Variants in SLC7A2 observed in about 807,000 individuals in gnomAD.
SLC7A2 encodes solute carrier family 7 member 2, also known as cationic amino acid transporter 2.
Under a neutral mutation model 58.9 loss-of-function variants are expected in SLC7A2, and 48 were observed. The observed-to-expected ratio is 0.82, with a 90% CI of 0.65 to 1.04. The LOEUF is 1.04. SLC7A2 is among the 50% of genes least tolerant of loss of function. SLC7A2 has a pLI of 0.00. For synonymous variants in SLC7A2, 363 were observed against 314.5 expected (o/e 1.15, Z -1.63); for missense variants, 1,029 against 818.8 (o/e 1.26, Z -3.13).
At chr8:17,522,048 G>GT (rs1214736864) in intron 2 of SLC7A2, among the ~76,000 whole-genome samples, 2 of 152,152 alleles carry the variant, frequency 1.3e-5, no homozygotes, top group Non-Finnish European at 2.9e-5. Flanking sequence ...GACCCAGGCT[G>GT]TATGCATGCA....
intron 2 of SLC7A2, among the ~76,000 whole-genome samples, chr8:17,522,542 T>TA (rs1401099817): frequency 6.6e-6 from 1 of 152,152 alleles, no homozygotes; most frequent in African/African-American, 2.4e-5. Context: ...TACTATATTT[T>TA]ATCACATTTT....
chr8:17,503,273 A>ATCTCCTGACCT (rs1419090336), intron 2 of SLC7A2, among the ~76,000 whole-genome samples: 1 of 151,878 alleles, frequency 6.6e-6, no homozygotes, highest in African/African-American at 2.4e-5. Flanking sequence ...GGTGGTCTCG[A>ATCTCCTGACCT]TCTCCTGACC....
At chr8:17,516,669 G>A (rs1476759017) in intron 2 of SLC7A2, among the ~76,000 whole-genome samples, 6 of 152,172 alleles carry the variant, frequency 3.9e-5, no homozygotes, top group Admixed American at 6.5e-5. Flanking sequence ...TATTGTACCT[G>A]AACACCTGCA....
At chr8:17,564,254 A>C (rs923701094) in intron 12 of SLC7A2, among the ~76,000 whole-genome samples, 3 of 152,204 alleles carry the variant, frequency 2.0e-5, no homozygotes. Flanking sequence ...TTTAGGGTAT[A>C]ATTTGAGACT....
At chr8:17,536,333 G>A (rs988609176) in intron 2 of SLC7A2, among the ~76,000 whole-genome samples, 2 of 152,118 alleles carry the variant, frequency 1.3e-5, no homozygotes, top group African/African-American at 2.4e-5. Context: ...GGGAGACCAA[G>A]GAAGGAAGAT....
rs1186135968 is a variant in SLC7A2, at chr8:17,547,871, TTC to T, written c.533-805_533-804del. Reference sequence around the variant, plus strand: ...GCACGGTTGATCTTTTTATATTTTTTTCTGTGTCTTCAAAGTACTTGAATAGA... The same window carrying T: ...GCACGGTTGATCTTTTTATATTTTTTTGTGTCTTCAAAGTACTTGAATAGA... On this transcript the variant is annotated intron_variant, in intron 4 of 12. Transcript: ENST00000494857. Among the ~76,000 whole-genome samples the T allele has an allele frequency of 2.0e-5, 3 of 152,000 alleles. No homozygotes were observed. The East Asian group carries it at 5.8e-4, about 29-fold the overall frequency.
rs1372173301 is a variant in SLC7A2 at position 17,569,976 on chromosome 8, A to T, written c.*4830A>T. On this transcript the variant is annotated 3_prime_UTR_variant, in exon 13 of 13. Transcript: ENST00000494857. ...GGTAGGATATGAAGTGAAAGACTTC[A>T]AATGCAAGTAAGGTAGTTTGGGCTC... 1 of 152,228 alleles carries T rather than the reference A, an allele frequency of 6.6e-6. No homozygotes were observed. Among genetic ancestry groups the T allele is most frequent in the African/African-American group, 2.4e-5 (1 of 41,444 alleles). The allele number at this position is 152,228 out of a possible 1,614,324, so 9.4% of individuals were successfully genotyped here. A position where few individuals can be genotyped will look rare whatever the true frequency, so the allele number is the denominator to read the frequency against.
chr8:17,506,143 T>C (rs1180829399), intron 2 of SLC7A2, among the ~76,000 whole-genome samples: 1 of 152,224 alleles, frequency 6.6e-6, no homozygotes, highest in South Asian at 2.1e-4. Context: ...CTTGTGTCTG[T>C]ACAATTCATC....
intron 4 of SLC7A2, 59 bp downstream of exon 4, chr8:17,544,665 T>C: frequency 1.3e-6 from 2 of 1,502,728 alleles, no homozygotes; most frequent in Admixed American, 1.8e-5. Flanking sequence ...CTCAGGAAAA[T>C]AGGTTACTTC....
intron 2 of SLC7A2, among the ~76,000 whole-genome samples, chr8:17,504,770 C>G (rs1272886144): frequency 6.6e-6 from 1 of 152,160 alleles, no homozygotes; most frequent in Non-Finnish European, 1.5e-5. Flanking sequence ...TACTGCAACT[C>G]TTAAAAGATT....
At chr8:17,509,508 G>C (rs530813998) in intron 2 of SLC7A2, among the ~76,000 whole-genome samples, 160 of 152,120 alleles carry the variant, frequency 1.1e-3, no homozygotes, top group Middle Eastern at 6.8e-3. Flanking sequence ...GTTTCATCGT[G>C]ATGGCTAGGC....
Position 17,544,476 on chromosome 8 carries a change from G to T in SLC7A2, c.402G>T (p.Trp134Cys). ...VIGTSSVARA[W>C]SGTFDELLSK... Reference sequence around the variant, plus strand: ...GTACATCAAGTGTTGCAAGAGCCTGGAGTGGCACCTTTGATGAACTTCTTA... The same window carrying T: ...GTACATCAAGTGTTGCAAGAGCCTGTAGTGGCACCTTTGATGAACTTCTTA... Residue 134 changes from tryptophan to cysteine, a missense_variant, in exon 4 of 13, where the codon TGG (tryptophan) becomes TGT (cysteine). Transcript: ENST00000494857. The T allele has an allele frequency of 2.5e-6, 4 of 1,614,102 alleles. No homozygotes were observed. The highest frequency in any genetic ancestry group is 3.4e-6 in the Non-Finnish European group (4 of 1,179,982).
At chr8:17,560,719 G>C (rs567241871) in intron 10 of SLC7A2, among the ~76,000 whole-genome samples, 186 bp downstream of exon 10, 1 of 152,218 alleles carries the variant, frequency 6.6e-6, no homozygotes, top group Admixed American at 6.5e-5. Context: ...TAAATTTATT[G>C]TATCTTGATA....
At chr8:17,534,842 A>C (rs893734365) in intron 2 of SLC7A2, among the ~76,000 whole-genome samples, 2 of 152,094 alleles carry the variant, frequency 1.3e-5, no homozygotes, top group African/African-American at 2.4e-5. Context: ...TTTGGAGTGA[A>C]ATAGGCGCTC....
chr8:17,530,433 C>T (rs574936453), intron 2 of SLC7A2, among the ~76,000 whole-genome samples: 6 of 152,196 alleles, frequency 3.9e-5, no homozygotes, highest in African/African-American at 9.6e-5. Flanking sequence ...AACTGGGCTA[C>T]AGTACTCGTT....
At position 17,554,573 on chromosome 8, in the gene SLC7A2, AT is replaced by A; in HGVS notation, c.1073del (p.Phe358SerfsTer6). ...CALSTSLLGS[I>X]FPMPRVIYAM... ...CTTTTTATTCAGTCTTCTTGGATCC[AT>A]TTTCCCAATGCCTCGTGTAATCTAT... On this transcript the variant is annotated frameshift_variant, in exon 8 of 13. Transcript: ENST00000494857. LOFTEE classifies it high-confidence loss of function. 1 of 1,604,054 alleles carries A rather than the reference AT, an allele frequency of 6.2e-7. No individual in the cohort carries two copies. Among genetic ancestry groups the A allele is most frequent in the Non-Finnish European group, 8.5e-7 (1 of 1,177,456 alleles).
chr8:17,494,685 C>G (rs1253230594), upstream of SLC7A2, among the ~76,000 whole-genome samples: 1 of 152,158 alleles, frequency 6.6e-6, no homozygotes, highest in Non-Finnish European at 1.5e-5. Flanking sequence ...CCGTGGGCAT[C>G]CTATTCTTTC....
chr8:17,504,060 G>C (rs1273579288), intron 2 of SLC7A2, among the ~76,000 whole-genome samples: 2 of 152,216 alleles, frequency 1.3e-5, no homozygotes, highest in African/African-American at 4.8e-5. Flanking sequence ...CCCAAGCAAA[G>C]TGAGATTTCG....
Position 17,551,097 on chromosome 8 carries a change from A to T in SLC7A2, c.832+663A>T, listed in dbSNP as rs182914079. 3.0e-4 allele frequency among the ~76,000 whole-genome samples: 45 copies of T among 152,318 alleles called. No individual in the cohort carries two copies. In the East Asian group the frequency reaches 8.5e-3, roughly 29 times the overall value. On this transcript the variant is annotated intron_variant, in intron 6 of 12. Coordinates refer to ENST00000494857, the MANE Select transcript of SLC7A2 (RefSeq NM_001370338.1). ...CACAGCAGTCATTTAATCTCTGTAG[A>T]TGAATCATTTTCCAAATGGATTAAG...
Sources: gnomAD v4.1 joint callset for allele counts (sites outside exome capture counted in the v4.1 genomes callset) on GRCh38, gnomAD v4.1.1 for gene constraint, MANE v1.5 for transcripts, NCBI Gene and HGNC (gene_info 2026-07-23, HGNC 2026-07-21) for gene names.